Variants in SKIDA1 observed in about 807,000 individuals in gnomAD.
SKIDA1 encodes the protein SKI/DACH domain-containing protein 1.
Under a neutral mutation model 51.4 loss-of-function variants are expected in SKIDA1, and 18 were observed. That is an observed-to-expected ratio of 0.35 (90% CI 0.24 to 0.52). The LOEUF (loss-of-function observed/expected upper bound fraction) is 0.52, where lower values mean the gene tolerates loss of function less well. Ranked by LOEUF, SKIDA1 falls within the 20% of genes least tolerant of loss-of-function variation. The pLI, the probability that SKIDA1 is intolerant of heterozygous loss-of-function variation, is 0.95. For missense variants in SKIDA1, 1,104 were observed against 1,180.6 expected (o/e 0.94, Z 0.95); for synonymous variants, 579 against 500.5 (o/e 1.16, Z -2.09).
At chr10:21,522,263 G>GCC (rs2032417569) in intron 2 of SKIDA1, among the ~76,000 whole-genome samples, 1 of 24,108 alleles carries the variant, frequency 4.1e-5, no homozygotes. Flanking sequence ...GAGGATCACA[G>GCC]CCACCCCCCC....
At position 21,516,021 on chromosome 10, in the gene SKIDA1, C is replaced by A. The variant is rs746895818; in HGVS notation, c.1802G>T (p.Cys601Phe). ...QQRILREARKCLQTTPTTHCA... is the reference protein window; with the variant it reads ...QQRILREARKFLQTTPTTHCA... ...GTGTGTAGTAGGAGTTGTTTGTAGG[C>A]ATTTCCTAGCCTCTCGGAGTATTCT... is the stretch of plus-strand genomic sequence containing the variant. Residue 601 changes from cysteine to phenylalanine, a missense_variant, in exon 4 of 4, where the codon TGC becomes TTC. Transcript: ENST00000449193. The surrounding 1 kb of genome is among the most constrained non-coding windows in gnomAD (Gnocchi z 5.7). The A allele has an allele frequency of 1.2e-6, 2 of 1,614,026 alleles. No individual in the cohort carries two copies. Among genetic ancestry groups the A allele is most frequent in the Non-Finnish European group, 1.7e-6 (2 of 1,179,898 alleles).
rs770757641 is a variant in SKIDA1 at position 21,515,960 on chromosome 10, T to G, written c.1863A>C (p.Leu621Phe). Residue 621 changes from leucine (L) to phenylalanine (F), a missense_variant, in exon 4 of 4, where the codon TTA becomes TTC. Around this residue, in one of 3 missense-constraint regions of SKIDA1, gnomAD observed 938 missense variants for 886.4 expected, o/e 1.06. Coordinates refer to ENST00000449193, the MANE Select transcript of SKIDA1 (RefSeq NM_207371.4). ...CTTCTGCTCCTGAAGAATCATTATT[T>G]AAGAACCTAGCAGCTATTGTGTTGT... is the stretch of plus-strand genomic sequence containing the variant. The part of the protein sequence containing the change: ...ADNNTIAARF[L>F]NNDSSGAEAN... 2 of 1,613,970 alleles carry G rather than the reference T, an allele frequency of 1.2e-6. No individual in the cohort carries two copies. Among genetic ancestry groups the G allele is most frequent in the Middle Eastern group, 1.6e-4 (1 of 6,062 alleles).
At chr10:21,524,443 A>C (rs1339622200) in intron 1 of SKIDA1, among the ~76,000 whole-genome samples, 1 of 152,076 alleles carries the variant, frequency 6.6e-6, no homozygotes, top group African/African-American at 2.4e-5. Flanking sequence ...GCAAAAACAC[A>C]ATGGTAAAAA....
chr10:21,522,399 A>T (rs1000168078), intron 2 of SKIDA1, among the ~76,000 whole-genome samples: 16 of 151,130 alleles, frequency 1.1e-4, no homozygotes, highest in African/African-American at 3.6e-4. Flanking sequence ...GGCCTCAACA[A>T]TGTAAGTATG....
rs1196736671 is a variant in SKIDA1 at position 21,518,691 on chromosome 10, T to A, written c.-869A>T. 1 of 166,976 alleles carries A rather than the reference T, an allele frequency of 6.0e-6. No individual in the cohort carries two copies. The highest frequency in any genetic ancestry group is 2.4e-5 in the African/African-American group (1 of 41,420). The allele number at this position is 166,976 out of a possible 1,614,324, so 10.3% of individuals were successfully genotyped here. The stretch of plus-strand genomic sequence containing the variant: ...GCCGAAAGAGAGATACCCCACCCCC[T>A]TTTCCTTTTGGAAAATGGAGCTTAA... On this transcript the variant is annotated 5_prime_UTR_variant, in exon 4 of 4. In the 5' UTR this introduces an upstream ATG that the reference lacks. Coordinates refer to ENST00000449193, the MANE Select transcript of SKIDA1 (RefSeq NM_207371.4).
At chr10:21,520,132 C>T (rs2131274607) in intron 3 of SKIDA1, among the ~76,000 whole-genome samples, 1 of 152,204 alleles carries the variant, frequency 6.6e-6, no homozygotes, top group East Asian at 1.9e-4. Context: ...CATTTTTGTC[C>T]CTTGAATGAA....
intron 1 of SKIDA1, chr10:21,524,810 A>G (rs1368898329): frequency 1.3e-5 from 2 of 152,234 alleles, no homozygotes; most frequent in Non-Finnish European, 2.9e-5. Context: ...CAGTTCGTAG[A>G]GAAACAATGA....
Position 21,517,750 on chromosome 10 carries a change from G to A in SKIDA1, c.73C>T (p.Gln25Ter). Residue 25 changes from glutamine to a stop codon, truncating the protein, a stop_gained, in exon 4 of 4, where the codon CAA becomes TAA. Transcript: ENST00000449193. LOFTEE classifies it high-confidence loss of function. The surrounding 1 kb of genome is among the most constrained non-coding windows in gnomAD (Gnocchi z 6.9). Reference protein sequence around the residue: ...RLGYLIIKGKQMFALSQVFTD... With the variant: ...RLGYLIIKGK The stretch of plus-strand genomic sequence containing the variant: ...AAGACTTGGGAGAGGGCAAACATTT[G>A]CTTCCCTTTAATGATGAGGTAGCCG... 1 of 1,613,910 alleles carries A rather than the reference G, an allele frequency of 6.2e-7. No individual in the cohort carries two copies. The highest frequency in any genetic ancestry group is 8.5e-7 in the Non-Finnish European group (1 of 1,179,862).
Position 21,519,460 on chromosome 10 carries a change from A to C in SKIDA1, c.-1638T>G, listed in dbSNP as rs1300312505. Reference sequence around the variant, plus strand: ...AGGATATCCAAAATATTGCCAAATGAGAGCAAGGGTCCTCCCAGTCGCATT... The same window carrying C: ...AGGATATCCAAAATATTGCCAAATGCGAGCAAGGGTCCTCCCAGTCGCATT... On this transcript the variant is annotated 5_prime_UTR_variant, in exon 4 of 4. Transcript: ENST00000449193. The C allele has an allele frequency of 6.0e-6, 1 of 167,098 alleles. No individual in the cohort carries two copies. The highest frequency in any genetic ancestry group is 1.5e-5 in the Non-Finnish European group (1 of 68,126). The allele number at this position is 167,098 out of a possible 1,614,324, so 10.4% of individuals were successfully genotyped here. A position where few individuals can be genotyped will look rare whatever the true frequency, so the allele number is the denominator to read the frequency against.
intron 3 of SKIDA1, 138 bp downstream of exon 3, chr10:21,521,251 A>G (rs2032387894): frequency 6.6e-6 from 1 of 152,348 alleles, no homozygotes; most frequent in South Asian, 2.1e-4. Context: ...ATTTGCATGC[A>G]CACCGGGGAT....
rs1421242917 is a variant in SKIDA1 at position 21,514,492 on chromosome 10, T to C, written c.*604A>G. On this transcript the variant is annotated 3_prime_UTR_variant, in exon 4 of 4. Transcript: ENST00000449193. ...AGGACTCACACCCCAATCTTTCCAC[T>C]AAAAAAAAAAAAAAAAAGTTAAGTG... The C allele has an allele frequency of 3.5e-4, 44 of 124,012 alleles. No individual in the cohort carries two copies. The highest frequency in any genetic ancestry group is 1.4e-3 in the Admixed American group (17 of 11,948). 7.7% of individuals were successfully genotyped at this position (124,012 alleles called of 1,614,324 possible). A position where few individuals can be genotyped will look rare whatever the true frequency, so the allele number is the denominator to read the frequency against.
chr10:21,525,039 TGCA>T (rs1282787595), intron 1 of SKIDA1, among the ~76,000 whole-genome samples: 1 of 152,156 alleles, frequency 6.6e-6, no homozygotes, highest in Non-Finnish European at 1.5e-5. Context: ...GTCAGCAACT[TGCA>T]GCAGAAGTTG....
At chr10:21,525,171 G>C (rs944651361) in intron 1 of SKIDA1, among the ~76,000 whole-genome samples, 1 of 152,200 alleles carries the variant, frequency 6.6e-6, no homozygotes, top group Non-Finnish European at 1.5e-5. Context: ...TGTGTAGGTA[G>C]TGGCTATGGG....
intron 1 of SKIDA1, among the ~76,000 whole-genome samples, chr10:21,524,441 A>G (rs919605247): frequency 6.6e-6 from 1 of 152,150 alleles, no homozygotes; most frequent in Non-Finnish European, 1.5e-5. Context: ...GTGCAAAAAC[A>G]CAATGGTAAA....
rs752759239 is a variant in SKIDA1, at chr10:21,516,107, G to A, written c.1716C>T (p.Asn572=). Residue 572 remains asparagine (N), a synonymous_variant, in exon 4 of 4, where the codon AAC becomes AAT. Coordinates refer to ENST00000449193, the MANE Select transcript of SKIDA1 (RefSeq NM_207371.4). This position sits in a 1 kb window ranked among gnomAD's most constrained non-coding sequence, Gnocchi z 5.7. Reference sequence around the variant, plus strand: ...GTGAAGAGGCCCCCTCTGCCAGGCAGTTAATTGTCAGGTCAGTTCTCTTTA... The same window carrying A: ...GTGAAGAGGCCCCCTCTGCCAGGCAATTAATTGTCAGGTCAGTTCTCTTTA... ...NAVKRTDLTI[N]CLAEGASSPS... is the part of the protein sequence containing the mutation. 1.2e-6 allele frequency: 2 copies of A among 1,614,062 alleles called. No individual in the cohort carries two copies. The highest frequency in any genetic ancestry group is 1.7e-6 in the Non-Finnish European group (2 of 1,179,904).
At position 21,519,245 on chromosome 10, in the gene SKIDA1, T is replaced by C. The variant is rs1258137358; in HGVS notation, c.-1423A>G. On this transcript the variant is annotated 5_prime_UTR_variant, in exon 4 of 4. Coordinates refer to ENST00000449193, the MANE Select transcript of SKIDA1 (RefSeq NM_207371.4). ...TTACGTAATAACAATGAAAAGAAAG[T>C]GCTGATGTACGATGCAGACTGTTTC... The C allele has an allele frequency of 6.0e-6, 1 of 167,036 alleles. No individual in the cohort carries two copies. The highest frequency in any genetic ancestry group is 1.5e-5 in the Non-Finnish European group (1 of 68,100). The allele number at this position is 167,036 out of a possible 1,614,324, so 10.3% of individuals were successfully genotyped here.
At position 21,516,875 on chromosome 10, in the gene SKIDA1, GGCCGCCGCCGCCGCTGCCGCCGCC is replaced by G. The variant is rs1307020091; in HGVS notation, c.924_947del (p.Ala311_Ala318del). On this transcript the variant is annotated inframe_deletion, in exon 4 of 4. Coordinates refer to ENST00000449193, the MANE Select transcript of SKIDA1 (RefSeq NM_207371.4). The surrounding 1 kb of genome is among the most constrained non-coding windows in gnomAD (Gnocchi z 5.7). ...TCTCCAGGCAAGTGGCCCCCGCGGC[GGCCGCCGCCGCCGCTGCCGCCGCC>G]GCCGCCGCCGCCGCCGCCTTGGCTT... 122 of 1,291,310 alleles carry G rather than the reference GGCCGCCGCCGCCGCTGCCGCCGCC, an allele frequency of 9.4e-5. 19 individuals carry two copies. Among genetic ancestry groups the G allele is most frequent in the Middle Eastern group, 5.8e-4 (2 of 3,430 alleles). The allele number at this position is 1,291,310 out of a possible 1,614,324, so 80.0% of individuals were successfully genotyped here.
chr10:21,517,815 T>A lies in SKIDA1; in HGVS notation c.8A>T (p.Asp3Val), dbSNP rs1313338831. Residue 3 changes from aspartate (D) to valine (V), a missense_variant, in exon 4 of 4, where the codon GAC (aspartate) becomes GTC (valine). Physicochemically the swap from Asp to Val is radical, Grantham distance 152. Around this residue, in one of 3 missense-constraint regions of SKIDA1, gnomAD observed 54 missense variants for 126.0 expected, o/e 0.43. Coordinates refer to ENST00000449193, the MANE Select transcript of SKIDA1 (RefSeq NM_207371.4). The surrounding 1 kb of genome is among the most constrained non-coding windows in gnomAD (Gnocchi z 6.9). ...CACCTCTTCAAAACCTGACTTCAGG[T>A]CTCCCATCTCGGGCACTAAATGATC... Reference protein sequence around the residue: MGDLKSGFEEVDG... With the variant: MGVLKSGFEEVDG... The A allele has an allele frequency of 6.2e-7, 1 of 1,603,602 alleles. No individual in the cohort carries two copies. The highest frequency in any genetic ancestry group is 8.5e-7 in the Non-Finnish European group (1 of 1,172,090).
rs761666802 is a variant in SKIDA1, at chr10:21,517,569, C to A, written c.254G>T (p.Arg85Leu). The change falls in exon 4 of 4, where the codon CGG (arginine) becomes CTG (leucine). Residue 85 changes from arginine to leucine, a missense_variant. By Grantham distance (102) the Arg-to-Leu change is moderately radical. Transcript: ENST00000449193. The surrounding 1 kb of genome is among the most constrained non-coding windows in gnomAD (Gnocchi z 6.9). ...GGTGTAGAGCGCTTCCACGTCTTCC[C>A]GGGAGATGAGCGTGCATTTGGCGGC... ...FHAAKCTLIS[R>L]EDVEALYTSC... The A allele has an allele frequency of 1.2e-6, 2 of 1,608,354 alleles. No homozygotes were observed. Among genetic ancestry groups the A allele is most frequent in the African/African-American group, 2.7e-5 (2 of 74,692 alleles).
Sources: gnomAD v4.1 joint callset for allele counts (sites outside exome capture counted in the v4.1 genomes callset) on GRCh38, gnomAD v4.1.1 for gene constraint, gnomAD v4.1.1 regional missense constraint, Gnocchi (gnomAD v3.1) non-coding constraint, MANE v1.5 for transcripts, NCBI Gene and HGNC (gene_info 2026-07-23, HGNC 2026-07-21) for gene names.